HOXC4: variants seen among roughly 807,000 people sequenced by gnomAD.
HOXC4 encodes the protein homeobox protein Hox-C4.
Under a neutral mutation model 25.5 loss-of-function variants are expected in HOXC4, and 15 were observed. The ratio of observed to expected loss-of-function variants is 0.59; its 90% CI spans 0.39 to 0.91. HOXC4 has a LOEUF of 0.91. Ranked by LOEUF, HOXC4 falls within the 40% of genes least tolerant of loss-of-function variation. HOXC4 has a pLI of 0.00. For missense variants in HOXC4, 342 were observed against 352.4 expected, an observed-to-expected ratio of 0.97 and a Z score of 0.24; for synonymous variants, 165 against 148.0, an observed-to-expected ratio of 1.11 and a Z score of -0.83.
At chr12:54,037,155 G>A (rs963693939) in intron 1 of HOXC4, among the ~76,000 whole-genome samples, 3 of 152,240 alleles carry the variant, frequency 2.0e-5, no homozygotes, top group Admixed American at 6.5e-5. Context: ...CTGCAGCATC[G>A]TCGGGAGTCA....
upstream of HOXC4, among the ~76,000 whole-genome samples, chr12:54,049,741 AACAC>A (rs1937800079): frequency 1.1e-5 from 1 of 93,796 alleles, no homozygotes; most frequent in African/African-American, 4.6e-5. Flanking sequence ...GAAAGGGACA[AACAC>A]ATACACACAC....
At chr12:54,051,683 G>C (rs574862714), upstream of HOXC4, among the ~76,000 whole-genome samples, 5 of 152,238 alleles carry the variant, frequency 3.3e-5, no homozygotes, top group African/African-American at 1.2e-4. Context: ...CTTGGAGAGA[G>C]AGTATTCAGG....
At chr12:54,048,651 T>G (rs998498894) in intron 1 of HOXC4, among the ~76,000 whole-genome samples, 6 of 152,124 alleles carry the variant, frequency 3.9e-5, no homozygotes, top group Admixed American at 3.3e-4. Context: ...TATCCTTAGT[T>G]TTTCCCAGTC....
rs1941227270 is a variant in HOXC4 at position 54,038,780 on chromosome 12, A to AT, written c.-123-14378dup. Among the ~76,000 whole-genome samples the AT allele has an allele frequency of 3.3e-5, 5 of 152,046 alleles. No homozygotes were observed. In the South Asian group the frequency reaches 1.0e-3, roughly 31 times the overall value. On this transcript the variant is annotated intron_variant, in intron 1 of 3. Transcript: ENST00000303406. ...AGGTTCCTGCTGTGAGTGGAGTGTAATTGTGTGTTGAATGGGTGAGGGAGC... is the reference window on the plus strand; with the variant it reads ...AGGTTCCTGCTGTGAGTGGAGTGTAATTTGTGTGTTGAATGGGTGAGGGAGC...
intron 1 of HOXC4, among the ~76,000 whole-genome samples, chr12:54,046,447 G>A (rs569032590): frequency 2.0e-3 from 306 of 152,198 alleles, no homozygotes; most frequent in African/African-American, 7.1e-3. Context: ...TAGGTCAGGG[G>A]ACAGGGAGAA....
At chr12:54,043,557 C>T (rs1941308536) in intron 1 of HOXC4, among the ~76,000 whole-genome samples, 2 of 152,152 alleles carry the variant, frequency 1.3e-5, no homozygotes, top group South Asian at 2.1e-4. Flanking sequence ...TTCCCGTCAG[C>T]CCAGCTTGGA....
At chr12:54,033,472 A>C (rs1941071429) in intron 1 of HOXC4, 3 of 1,597,236 alleles carry the variant, frequency 1.9e-6, no homozygotes. Flanking sequence ...AGCAGTGGGG[A>C]GATCAAAGAG....
intron 1 of HOXC4, among the ~76,000 whole-genome samples, chr12:54,031,079 G>C (rs575882456): frequency 1.3e-5 from 2 of 152,260 alleles, no homozygotes; most frequent in African/African-American, 2.4e-5. Flanking sequence ...ATTTTGTTGC[G>C]GGGGGAGCTG....
chr12:54,028,680 C>A, intron 1 of HOXC4: 1 of 1,614,144 alleles, frequency 6.2e-7, no homozygotes, highest in Non-Finnish European at 8.5e-7. Flanking sequence ...ACTCGACTCC[C>A]TTTTATTCGC....
intron 1 of HOXC4, among the ~76,000 whole-genome samples, chr12:54,038,382 A>G (rs773835104): frequency 2.0e-5 from 3 of 152,214 alleles, no homozygotes; most frequent in Non-Finnish European, 4.4e-5. Flanking sequence ...CTCTAGACAC[A>G]AGCTCAAAAT....
intron 1 of HOXC4, chr12:54,034,835 G>C (rs1941140274): frequency 6.4e-6 from 2 of 313,826 alleles, no homozygotes; most frequent in Non-Finnish European, 1.2e-5. Flanking sequence ...GCCTCAGCGC[G>C]GCCCTCCCGA....
intron 1 of HOXC4, among the ~76,000 whole-genome samples, chr12:54,026,953 C>A (rs1009746835): frequency 9.3e-6 from 1 of 107,432 alleles, no homozygotes; most frequent in Admixed American, 9.1e-5. Context: ...CCCCAACCCA[C>A]CCAAAAATGG....
At chr12:54,030,079 A>C in intron 1 of HOXC4, 1 of 1,060,176 alleles carries the variant, frequency 9.4e-7, no homozygotes, top group Non-Finnish European at 1.3e-6. Context: ...ATTCCCTAAA[A>C]CAAAATTAGG....
In HOXC4 at chr12:54,033,171, C is replaced by A. The variant is rs767658858; in HGVS notation, c.-124+15757C>A. The A allele has an allele frequency of 9.9e-6, 16 of 1,614,088 alleles. No homozygotes were observed. The highest frequency in any genetic ancestry group is 5.9e-6 in the Non-Finnish European group (7 of 1,180,036). On this transcript the variant is annotated intron_variant, in intron 1 of 3. Coordinates refer to the HOXC4 transcript ENST00000303406. ...ATTCTATAAGCAGAGCCCCAATATC[C>A]CTGCCTATAACATGCAAACTTGTGG...
chr12:54,055,190 C>A lies in HOXC4; in HGVS notation c.780C>A (p.Asp260Glu). 6.3e-7 allele frequency: 1 copy of A among 1,598,958 alleles called. No individual in the cohort carries two copies. The highest frequency in any genetic ancestry group is 8.5e-7 in the Non-Finnish European group (1 of 1,171,190). Reference sequence around the variant, plus strand: ...CGCCGGAGCAGCAACGGGCAGAGGACATTACCAGGTTATAAAACATAACTC... The same window carrying A: ...CGCCGGAGCAGCAACGGGCAGAGGAAATTACCAGGTTATAAAACATAACTC... The part of the protein sequence containing the change: ...ATPPEQQRAE[D>E]ITRL Residue 260 changes from aspartate (D) to glutamate (E), a missense_variant, in exon 2 of 2, where the codon GAC becomes GAA. Coordinates refer to ENST00000430889, the MANE Select transcript of HOXC4 (RefSeq NM_153633.3).
chr12:54,046,552 T>C (rs555710654), intron 1 of HOXC4, among the ~76,000 whole-genome samples: 10 of 152,192 alleles, frequency 6.6e-5, no homozygotes, highest in East Asian at 1.9e-4. Flanking sequence ...TATATATATA[T>C]ACACAGTTAA....
At chr12:54,019,311 GC>G (rs747807122) in intron 1 of HOXC4, among the ~76,000 whole-genome samples, 6 of 152,136 alleles carry the variant, frequency 3.9e-5, no homozygotes, top group Non-Finnish European at 8.8e-5. Flanking sequence ...TGCTCAGGCT[GC>G]CGCGCGCTCT....
rs140687506 is a variant in HOXC4, at chr12:54,033,496, C to T, written c.-124+16082C>T. The T allele has an allele frequency of 1.5e-5, 24 of 1,591,120 alleles. No individual in the cohort carries two copies. The African/African-American group carries it at 3.2e-4, about 21-fold the overall frequency. ...GAGATCAAAGAGGAGCAGGCGCAGA[C>T]AGGGCAGCCCGCCGGACTGAGCCAG... is the stretch of plus-strand genomic sequence containing the variant. On this transcript the variant is annotated intron_variant, in intron 1 of 3. Transcript: ENST00000303406.
intron 1 of HOXC4, among the ~76,000 whole-genome samples, chr12:54,041,203 G>C (rs1941266077): frequency 6.6e-6 from 1 of 152,270 alleles, no homozygotes; most frequent in Non-Finnish European, 1.5e-5. Context: ...CTATTGCTGA[G>C]TAAGAGCATC....
Sources: allele counts gnomAD v4.1 joint callset (sites outside exome capture counted in the v4.1 genomes callset), GRCh38; gene constraint gnomAD v4.1.1; transcripts MANE v1.5; gene names NCBI Gene and HGNC (gene_info 2026-07-23, HGNC 2026-07-21).